CNOT1: variants seen among roughly 807,000 people sequenced by gnomAD.
CNOT1 encodes the protein CCR4-NOT transcription complex subunit 1.
In CNOT1, 15 loss-of-function variants were observed where a neutral mutation model predicts 273.8. The observed-to-expected ratio is 0.05, with a 90% CI of 0.04 to 0.08. The LOEUF (loss-of-function observed/expected upper bound fraction) is 0.08, where lower values mean the gene tolerates loss of function less well. Among genes scored for constraint, CNOT1 ranks in the 10% least tolerant of loss-of-function variants. CNOT1 has a pLI of 1.00. For missense variants in CNOT1, 1,644 were observed against 2,912.2 expected (o/e 0.56, Z 10.02); for synonymous variants, 1,022 against 1,005.5 (o/e 1.02, Z -0.31).
At chr16:58,603,663 A>G (rs2042561624) in intron 1 of CNOT1, among the ~76,000 whole-genome samples, 1 of 152,036 alleles carries the variant, frequency 6.6e-6, no homozygotes, top group African/African-American at 2.4e-5. Context: ...GTTGCTTCTC[A>G]GGTACACTCT....
At chr16:58,620,681 G>T (rs569679305) in intron 1 of CNOT1, among the ~76,000 whole-genome samples, 99 of 119,320 alleles carry the variant, frequency 8.3e-4, no homozygotes, top group Non-Finnish European at 1.2e-3. Context: ...AAAAAAAGAG[G>T]ACAAAGATAT....
At position 58,523,390 on chromosome 16, in the gene CNOT1, G is replaced by A; in HGVS notation, c.6897C>T (p.Ala2299=). The change falls in exon 47 of 49, where the codon GCC becomes GCT. Residue 2299 remains alanine (A), a synonymous_variant. Coordinates refer to ENST00000317147, the MANE Select transcript of CNOT1 (RefSeq NM_016284.5). ...LYLFAEANTE[A]IQEQITRVLL... is the part of the protein sequence containing the mutation. Reference sequence around the variant, plus strand: ...CTTACCTTGTGATCTGTTCTTGGATGGCTTCCGTATTGGCCTCTGCAAAAA... The same window carrying A: ...CTTACCTTGTGATCTGTTCTTGGATAGCTTCCGTATTGGCCTCTGCAAAAA... The A allele has an allele frequency of 6.2e-7, 1 of 1,612,326 alleles. No individual in the cohort carries two copies. Among genetic ancestry groups the A allele is most frequent in the South Asian group, 1.1e-5 (1 of 90,796 alleles).
In CNOT1 at chr16:58,560,213, T is replaced by G. The variant is rs770253714; in HGVS notation, c.2129A>C (p.Gln710Pro). 34 of 1,613,584 alleles carry G rather than the reference T, an allele frequency of 2.1e-5. No homozygotes were observed. Among genetic ancestry groups the G allele is most frequent in the Non-Finnish European group, 2.8e-5 (33 of 1,179,834 alleles). ...GTATCAAATGTAGCACTCATTTACCTGAACAGGAGAAATGGCATCTAAGCT... is the reference window on the plus strand; with the variant it reads ...GTATCAAATGTAGCACTCATTTACCGGAACAGGAGAAATGGCATCTAAGCT... ...ASSLDAISPV[Q>P]IDPLAGMTSL... Residue 710 changes from glutamine to proline, a missense_variant and splice_region_variant, in exon 17 of 49, where the codon CAG becomes CCG. Around this residue, in one of 13 missense-constraint regions of CNOT1, gnomAD observed 706 missense variants for 1,021.2 expected, o/e 0.69. Coordinates refer to ENST00000317147, the MANE Select transcript of CNOT1 (RefSeq NM_016284.5).
Position 58,546,415 on chromosome 16 carries a change from C to T in CNOT1, c.3912G>A (p.Lys1304=), listed in dbSNP as rs767206500. Residue 1304 remains lysine (K), a synonymous_variant, in exon 29 of 49, where the codon AAG becomes AAA. Coordinates refer to ENST00000317147, the MANE Select transcript of CNOT1 (RefSeq NM_016284.5). ...CTAAATTCTTCAGGCGATCTTTATC[C>T]TTTAGGAGGTTTCCAGGTTTTAGCT... ...INELKPGNLL[K]DKDRLKNLDE... is the part of the protein sequence containing the mutation. The T allele has an allele frequency of 6.2e-7, 1 of 1,613,790 alleles. No homozygotes were observed. The highest frequency in any genetic ancestry group is 1.3e-5 in the African/African-American group (1 of 74,874).
At chr16:58,566,172 T>C (rs1340626347) in intron 16 of CNOT1, among the ~76,000 whole-genome samples, 1 of 152,216 alleles carries the variant, frequency 6.6e-6, no homozygotes, top group Non-Finnish European at 1.5e-5. Context: ...CCCTTTGTAA[T>C]TACAATGTAA....
Position 58,586,716 on chromosome 16 carries a change from G to T in CNOT1, c.466C>A (p.Leu156Ile), listed in dbSNP as rs771738001. 2 of 1,613,088 alleles carry T rather than the reference G, an allele frequency of 1.2e-6. No homozygotes were observed. The highest frequency in any genetic ancestry group is 2.7e-5 in the African/African-American group (2 of 74,846). Reference protein sequence around the residue: ...AQFIKQKLPDLLRSYIDADVS... With the variant: ...AQFIKQKLPDILRSYIDADVS... ...TCTGCGTCAATGTAAGAACGCAGAA[G>T]ATCTGGAAGCTTCTGTTTGATAAAC... is the stretch of plus-strand genomic sequence containing the variant. The change falls in exon 7 of 49, where the codon CTT (leucine) becomes ATT (isoleucine). Residue 156 changes from leucine to isoleucine, a missense_variant. By Grantham distance (5) the Leu-to-Ile change is conservative. This residue lies in a region of CNOT1 where 706 missense variants were observed against 1,021.2 expected (regional missense o/e 0.69). Transcript: ENST00000317147.
In CNOT1 at chr16:58,555,271, T is replaced by C; in HGVS notation, c.2871A>G (p.Ala957=). 6.2e-7 allele frequency: 1 copy of C among 1,614,116 alleles called. No homozygotes were observed. Among genetic ancestry groups the C allele is most frequent in the South Asian group, 1.1e-5 (1 of 91,078 alleles). ...GSKMYYFGIA[A]LDRFKNRLKD... is the part of the protein sequence containing the mutation. The stretch of plus-strand genomic sequence containing the variant: ...CTTACCTGTTTTTAAATCTATCTAG[T>C]GCAGCAATCCCGAAATAATACATTT... The change falls in exon 21 of 49, where the codon GCA becomes GCG. Residue 957 remains alanine (A), a synonymous_variant. Coordinates refer to ENST00000317147, the MANE Select transcript of CNOT1 (RefSeq NM_016284.5).
At chr16:58,548,647 A>G (rs375350320) in intron 25 of CNOT1, 24 of 517,292 alleles carry the variant, frequency 4.6e-5, no homozygotes, top group African/African-American at 4.2e-4. Flanking sequence ...TCCTAAGCCA[A>G]TGACCCAAGT....
At chr16:58,604,318 T>TTA (rs2042584109) in intron 1 of CNOT1, among the ~76,000 whole-genome samples, 1 of 152,226 alleles carries the variant, frequency 6.6e-6, no homozygotes, top group African/African-American at 2.4e-5. Flanking sequence ...AGAGAATTAA[T>TTA]TATTTTAAGA....
intron 1 of CNOT1, among the ~76,000 whole-genome samples, chr16:58,604,812 A>C (rs1261878142): frequency 8.6e-6 from 1 of 116,284 alleles, no homozygotes; most frequent in South Asian, 2.6e-4. Context: ...AAAAAAACAA[A>C]AAACAAAAAA....
chr16:58,595,692 A>G (rs1164092013), intron 2 of CNOT1, among the ~76,000 whole-genome samples: 4 of 152,150 alleles, frequency 2.6e-5, no homozygotes, highest in Non-Finnish European at 5.9e-5. Context: ...ACTAGTCCCC[A>G]GAGAAAAAGC....
chr16:58,614,997 A>G (rs2043024863), intron 1 of CNOT1, among the ~76,000 whole-genome samples: 1 of 115,044 alleles, frequency 8.7e-6, no homozygotes, highest in Non-Finnish European at 2.0e-5. Flanking sequence ...CATCAGCCAC[A>G]GCACTGGGCC....
intron 29 of CNOT1, 67 bp downstream of exon 29, chr16:58,546,254 G>A (rs1157104651): frequency 5.9e-6 from 8 of 1,354,680 alleles, no homozygotes; most frequent in Admixed American, 4.0e-5. Flanking sequence ...CGATATACAT[G>A]GACAAGTACC....
At chr16:58,589,474 T>G (rs1487732174) in intron 2 of CNOT1, among the ~76,000 whole-genome samples, 2 of 152,110 alleles carry the variant, frequency 1.3e-5, no homozygotes, top group Non-Finnish European at 2.9e-5. Flanking sequence ...ATCGTGCCAT[T>G]GTGGTCCAGC....
chr16:58,603,501 C>T (rs1290406452), intron 1 of CNOT1, among the ~76,000 whole-genome samples: 1 of 151,598 alleles, frequency 6.6e-6, no homozygotes. Context: ...CAAAACCCTC[C>T]GCTGACTCAG....
intron 21 of CNOT1, among the ~76,000 whole-genome samples, chr16:58,554,386 T>C (rs1326219732): frequency 1.3e-5 from 2 of 152,286 alleles, no homozygotes; most frequent in Non-Finnish European, 1.5e-5. Flanking sequence ...AATGAAAATA[T>C]TCTGCATCAG....
intron 1 of CNOT1, among the ~76,000 whole-genome samples, chr16:58,604,419 G>A (rs1481259945): frequency 1.3e-5 from 2 of 151,964 alleles, no homozygotes; most frequent in African/African-American, 4.8e-5. Flanking sequence ...TCTACTATTG[G>A]CTCTTTACAT....
At chr16:58,590,604 A>C (rs1255896513) in intron 2 of CNOT1, among the ~76,000 whole-genome samples, 13 of 152,078 alleles carry the variant, frequency 8.5e-5, no homozygotes, top group Admixed American at 8.5e-4. Flanking sequence ...CCAAAAAAAA[A>C]AAAATAGAAC....
rs749447760 is a variant in CNOT1 at position 58,520,953 on chromosome 16, T to A, written c.*5A>T. On this transcript the variant is annotated 3_prime_UTR_variant, in exon 49 of 49. Transcript: ENST00000317147. ...CTGACACGTACAACAGAGATGCAGT[T>A]TCGTCTAACTGGCACCTGTCCCTTC... 3 of 1,612,962 alleles carry A rather than the reference T, an allele frequency of 1.9e-6. No homozygotes were observed. The highest frequency in any genetic ancestry group is 2.5e-6 in the Non-Finnish European group (3 of 1,179,986).
Sources: gnomAD v4.1 joint callset for allele counts (sites outside exome capture counted in the v4.1 genomes callset) on GRCh38, gnomAD v4.1.1 for gene constraint, gnomAD v4.1.1 regional missense constraint, MANE v1.5 for transcripts, NCBI Gene and HGNC (gene_info 2026-07-23, HGNC 2026-07-21) for gene names.